The following USP14 variants were observed in gnomAD, a reference collection of about 807,000 sequenced individuals.
USP14 encodes ubiquitin specific peptidase 14.
A neutral mutation model predicts 76.5 loss-of-function variants in USP14; 38 were observed. That is an observed-to-expected ratio of 0.50 (90% CI 0.38 to 0.65). The LOEUF (loss-of-function observed/expected upper bound fraction) is 0.65. USP14 is among the 30% of genes least tolerant of loss of function. USP14 has a pLI of 0.00. For missense variants in USP14, 467 were observed against 586.5 expected (o/e 0.80, Z 2.10); for synonymous variants, 192 against 191.7 (o/e 1.00, Z -0.01).
chr18:178,584 A>T (rs1311427929), intron 3 of USP14, among the ~76,000 whole-genome samples: 1 of 152,186 alleles, frequency 6.6e-6, no homozygotes, highest in Non-Finnish European at 1.5e-5. Flanking sequence ...ATCACGAAAA[A>T]GTTTCTTTGT....
chr18:163,651 A>G (rs1004255300), intron 2 of USP14, among the ~76,000 whole-genome samples, 198 bp downstream of exon 2: 4 of 152,146 alleles, frequency 2.6e-5, no homozygotes, highest in African/African-American at 9.7e-5. Context: ...ACAACACTAT[A>G]TGGTATTATA....
At chr18:201,192 A>G (rs375783363) in intron 10 of USP14, among the ~76,000 whole-genome samples, 1 of 152,258 alleles carries the variant, frequency 6.6e-6, no homozygotes, top group Non-Finnish European at 1.5e-5. Context: ...CAACATCTAG[A>G]TATTTGAAGA....
intron 3 of USP14, among the ~76,000 whole-genome samples, chr18:174,938 A>G (rs1909586485): frequency 6.6e-6 from 1 of 151,852 alleles, no homozygotes; most frequent in Non-Finnish European, 1.5e-5. Flanking sequence ...ACCACGCCGG[A>G]CTAATTTTTG....
At chr18:158,892 C>T (rs1306443934) in intron 1 of USP14, 178 bp downstream of exon 1, 2 of 1,065,520 alleles carry the variant, frequency 1.9e-6, no homozygotes, top group East Asian at 6.8e-5. Context: ...GGTCGGAGCC[C>T]TGCGTGGCAG....
chr18:181,317 C>T (rs1202014151), intron 5 of USP14, among the ~76,000 whole-genome samples: 1 of 152,178 alleles, frequency 6.6e-6, no homozygotes, highest in Non-Finnish European at 1.5e-5. Flanking sequence ...TACATTCTCA[C>T]CAGCAATGTG....
chr18:166,848 T>G (rs1909286402), intron 3 of USP14, 29 bp downstream of exon 3: 1 of 1,598,060 alleles, frequency 6.3e-7, no homozygotes, highest in Non-Finnish European at 8.6e-7. Flanking sequence ...ACGTTTATTA[T>G]AATGCAGTAA....
At chr18:211,062 C>G in intron 15 of USP14, 71 bp from the exon 16 acceptor site, 2 of 1,514,996 alleles carry the variant, frequency 1.3e-6, no homozygotes, top group Admixed American at 3.6e-5. Context: ...TGACTTGATA[C>G]TTTTTTTGCA....
At chr18:194,319 C>T (rs1275549020) in intron 6 of USP14, among the ~76,000 whole-genome samples, 1 of 152,126 alleles carries the variant, frequency 6.6e-6, no homozygotes, top group South Asian at 2.1e-4. Context: ...GCTCATGTAT[C>T]TTAGAATAAC....
intron 13 of USP14, among the ~76,000 whole-genome samples, chr18:206,586 C>T (rs940130979): frequency 1.3e-5 from 2 of 151,846 alleles, no homozygotes; most frequent in African/African-American, 4.8e-5. Context: ...GTTGCTTGTG[C>T]TATTGGTGTC....
intron 3 of USP14, among the ~76,000 whole-genome samples, chr18:178,469 A>G (rs1411693596): frequency 1.3e-5 from 2 of 152,138 alleles, no homozygotes; most frequent in Non-Finnish European, 2.9e-5. Flanking sequence ...TTCAGGTACA[A>G]TTTATATAGA....
intron 12 of USP14, 151 bp downstream of exon 12, chr18:203,341 A>G: frequency 1.4e-6 from 1 of 735,222 alleles, no homozygotes; most frequent in Non-Finnish European, 2.2e-6. Context: ...CTTAACTCAG[A>G]ACGTATATTA....
chr18:171,078 G>C (rs1251898180), intron 3 of USP14, among the ~76,000 whole-genome samples: 2 of 134,518 alleles, frequency 1.5e-5, no homozygotes, highest in Non-Finnish European at 3.1e-5. Context: ...GCAGAAGTTG[G>C]TTCACGAGGT....
intron 5 of USP14, among the ~76,000 whole-genome samples, chr18:180,979 A>T (rs479167): frequency 0.011 from 1,478 of 130,442 alleles, no homozygotes; most frequent in African/African-American, 0.03. Context: ...ATAGTATTTC[A>T]TGGTTCATTC....
intron 3 of USP14, among the ~76,000 whole-genome samples, chr18:173,085 T>TA (rs1299353343): frequency 6.6e-6 from 1 of 152,114 alleles, no homozygotes; most frequent in African/African-American, 2.4e-5. Context: ...TTTTAGCTGT[T>TA]ACATTTAGAT....
chr18:197,794 T>C, intron 8 of USP14, 98 bp downstream of exon 8: 1 of 905,944 alleles, frequency 1.1e-6, no homozygotes, highest in Non-Finnish European at 1.6e-6. Context: ...TTCCATCTTA[T>C]AGGTAGATGT....
At chr18:166,894 T>G in intron 3 of USP14, 75 bp downstream of exon 3, 1 of 1,364,510 alleles carries the variant, frequency 7.3e-7, no homozygotes, top group Non-Finnish European at 1.0e-6. Flanking sequence ...CCAGATGACT[T>G]TTTTTCATGT....
intron 1 of USP14, among the ~76,000 whole-genome samples, chr18:161,072 C>T (rs563498033): frequency 6.6e-6 from 1 of 152,260 alleles, no homozygotes; most frequent in African/African-American, 2.4e-5. Context: ...GAATTACAGG[C>T]GCCTGCCACC....
At chr18:197,915 A>G (rs1237702951) in intron 8 of USP14, 132 bp from the exon 9 acceptor site, 1 of 810,892 alleles carries the variant, frequency 1.2e-6, no homozygotes, top group Non-Finnish European at 1.9e-6. Flanking sequence ...GATTTTTGGT[A>G]ATGTTTTTTG....
chr18:170,305 A>AAAAT (rs1909407024), intron 3 of USP14, among the ~76,000 whole-genome samples: 1 of 152,124 alleles, frequency 6.6e-6, no homozygotes, highest in Non-Finnish European at 1.5e-5. Flanking sequence ...CTCTGTCTCA[A>AAAAT]AAATAAACAA....
Sources: gnomAD v4.1 joint callset for allele counts (sites outside exome capture counted in the v4.1 genomes callset) on GRCh38, gnomAD v4.1.1 for gene constraint, MANE v1.5 for transcripts, NCBI Gene and HGNC (gene_info 2026-07-23, HGNC 2026-07-21) for gene names.